Variants in PXDN observed in about 807,000 individuals in gnomAD.
PXDN encodes peroxidasin.
PXDN carries 77 observed loss-of-function variants against 140.3 expected under a neutral mutation model. That is an observed-to-expected ratio of 0.55 (90% CI 0.46 to 0.66). The LOEUF is 0.66. Ranked by LOEUF, PXDN falls within the 30% of genes least tolerant of loss-of-function variation. The pLI is 0.00. For synonymous variants in PXDN, 911 were observed against 857.4 expected (o/e 1.06, Z -1.09); for missense variants, 1,838 against 2,039.5 (o/e 0.90, Z 1.90).
intron 14 of PXDN, among the ~76,000 whole-genome samples, chr2:1,658,756 C>A (rs538800642): frequency 2.2e-3 from 314 of 143,158 alleles, no homozygotes; most frequent in Non-Finnish European, 4.2e-3. Flanking sequence ...TGCTCCCCAC[C>A]CCCCGGCATC....
intron 9 of PXDN, among the ~76,000 whole-genome samples, chr2:1,667,755 G>A (rs1683479653): frequency 6.6e-6 from 1 of 152,166 alleles, no homozygotes; most frequent in Admixed American, 6.5e-5. Flanking sequence ...AGGACTTGAA[G>A]GACCTCTTTA....
chr2:1,649,767 G>A lies in PXDN; in HGVS notation c.2105-92C>T. On this transcript the variant is annotated intron_variant, in intron 16 of 22. Coordinates refer to ENST00000252804, the MANE Select transcript of PXDN (RefSeq NM_012293.3). The surrounding 1 kb of genome is among the most constrained non-coding windows in gnomAD (Gnocchi z 7.1). ...TTGGCACCTCTGCCGCTGACATGGG[G>A]CTATCTACCCCCAGCTCATGAAACC... The A allele has an allele frequency of 7.1e-7, 1 of 1,407,830 alleles. No individual in the cohort carries two copies. The highest frequency in any genetic ancestry group is 1.8e-5 in the Admixed American group (1 of 55,302). The allele number at this position is 1,407,830 out of a possible 1,614,324, so 87.2% of individuals were successfully genotyped here. A position where few individuals can be genotyped will look rare whatever the true frequency, so the allele number is the denominator to read the frequency against.
intron 9 of PXDN, 96 bp downstream of exon 9, chr2:1,673,547 G>T: frequency 6.8e-7 from 1 of 1,462,300 alleles, no homozygotes; most frequent in Non-Finnish European, 9.3e-7. Context: ...AGACTTCAAT[G>T]TTCATTCTTA....
chr2:1,645,221 A>G (rs1682823230), intron 17 of PXDN, among the ~76,000 whole-genome samples: 1 of 152,240 alleles, frequency 6.6e-6, no homozygotes, highest in Non-Finnish European at 1.5e-5. Flanking sequence ...TATTGAAAAT[A>G]TATTTGCCAT....
At chr2:1,670,048 T>C (rs73910825) in intron 9 of PXDN, among the ~76,000 whole-genome samples, 1,589 of 152,316 alleles carry the variant, frequency 0.01, 18 homozygotes, top group African/African-American at 0.036. Context: ...CAGTTTGCTA[T>C]AGGATATTAA....
At position 1,633,429 on chromosome 2, in the gene PXDN, C is replaced by T. The variant is rs4240; in HGVS notation, c.*775G>A. 0.51 allele frequency: 77,588 copies of T among 151,708 alleles called. 20,898 individuals carry two copies. The highest frequency in any genetic ancestry group is 0.65 in the Middle Eastern group (192 of 294). 9.4% of individuals were successfully genotyped at this position (151,708 alleles called of 1,614,324 possible). On this transcript the variant is annotated 3_prime_UTR_variant, in exon 23 of 23. Coordinates refer to ENST00000252804, the MANE Select transcript of PXDN (RefSeq NM_012293.3). ...TGTGCAAGTGACAGCTGAAAGCAAACCTGTTTCTAAATGTGGCTTATGAAT... is the reference window on the plus strand; with the variant it reads ...TGTGCAAGTGACAGCTGAAAGCAAATCTGTTTCTAAATGTGGCTTATGAAT...
intron 8 of PXDN, chr2:1,676,417 T>A (rs891907771): frequency 1.3e-5 from 2 of 156,978 alleles, no homozygotes; most frequent in African/African-American, 4.8e-5. Context: ...ACTTCCTTTG[T>A]TTGGGAGACA....
rs866064530 is a variant in PXDN at position 1,726,001 on chromosome 2, C to A, written c.200+18255G>T. ...GGTGGGACTGTAAACTAGTTCAACCCTTGTGGAAGTCAGTGTGGCCATTCC... is the reference window on the plus strand; with the variant it reads ...GGTGGGACTGTAAACTAGTTCAACCATTGTGGAAGTCAGTGTGGCCATTCC... On this transcript the variant is annotated intron_variant, in intron 1 of 22. Transcript: ENST00000252804. Among the ~76,000 whole-genome samples the A allele has an allele frequency of 4.9e-3, 742 of 150,576 alleles. 4 individuals are homozygous for A. The highest frequency in any genetic ancestry group is 0.02 in the Middle Eastern group (6 of 294).
intron 1 of PXDN, among the ~76,000 whole-genome samples, chr2:1,739,271 T>C (rs542402643): frequency 3.9e-5 from 6 of 152,148 alleles, no homozygotes; most frequent in Non-Finnish European, 7.4e-5. Flanking sequence ...ACTATACAGC[T>C]GCCAATCATC....
chr2:1,741,429 G>T (rs966427439), intron 1 of PXDN, among the ~76,000 whole-genome samples: 2 of 152,112 alleles, frequency 1.3e-5, no homozygotes, highest in African/African-American at 4.8e-5. Flanking sequence ...GCAGCACAGG[G>T]CGCGGGCTCC....
chr2:1,714,351 C>T lies in PXDN; in HGVS notation c.201-21217G>A, dbSNP rs1232147374. 6.6e-6 allele frequency among the ~76,000 whole-genome samples: 1 copy of T among 152,186 alleles called. No homozygotes were observed. The highest frequency in any genetic ancestry group is 1.5e-5 in the Non-Finnish European group (1 of 68,040). On this transcript the variant is annotated intron_variant, in intron 1 of 22. Coordinates refer to ENST00000252804, the MANE Select transcript of PXDN (RefSeq NM_012293.3). The surrounding 1 kb of genome is among the most constrained non-coding windows in gnomAD (Gnocchi z 4.3). ...CGATGGTCCGGCACCCTGGCCCACT[C>T]GCTCCCATGCCTTTGAGAGGAGATC...
At chr2:1,673,835 T>C (rs1485556288) in intron 8 of PXDN, 23 bp from the exon 9 acceptor site, 4 of 1,613,244 alleles carry the variant, frequency 2.5e-6, no homozygotes, top group Non-Finnish European at 3.4e-6. Flanking sequence ...AAATATGGTC[T>C]GGTCAAGTGT....
intron 1 of PXDN, among the ~76,000 whole-genome samples, chr2:1,742,181 G>A (rs767516316): frequency 2.6e-5 from 4 of 152,178 alleles, no homozygotes; most frequent in African/African-American, 9.7e-5. Context: ...CAGGAGCTGC[G>A]CTTCTCTCCC....
intron 10 of PXDN, 112 bp from the exon 11 acceptor site, chr2:1,665,186 T>C (rs1399128870): frequency 8.9e-6 from 7 of 786,410 alleles, no homozygotes; most frequent in Non-Finnish European, 1.5e-5. Flanking sequence ...AGGAGCAATG[T>C]CTACAACGAA....
chr2:1,658,064 CTCTCTCTCTCTCTCT>C (rs1558494389), intron 14 of PXDN, among the ~76,000 whole-genome samples: 3 of 109,222 alleles, frequency 2.7e-5, no homozygotes, highest in African/African-American at 1.1e-4. Flanking sequence ...CTCTCTCTCT[CTCTCTCTCTCTCTCT>C]CTCTCTCTCT....
intron 9 of PXDN, chr2:1,672,030 T>G (rs1683590432): frequency 6.6e-6 from 1 of 152,226 alleles, no homozygotes; most frequent in Non-Finnish European, 1.5e-5. Context: ...GTATTCTCAG[T>G]TCATAGACCT....
At chr2:1,668,682 C>G (rs547559981) in intron 9 of PXDN, among the ~76,000 whole-genome samples, 5 of 150,654 alleles carry the variant, frequency 3.3e-5, no homozygotes, top group Admixed American at 2.6e-4. Context: ...ATGTGGCCAA[C>G]AAACATATGA....
intron 1 of PXDN, among the ~76,000 whole-genome samples, chr2:1,703,546 G>A (rs1684502047): frequency 3.1e-5 from 1 of 32,016 alleles, no homozygotes; most frequent in African/African-American, 1.4e-4. Context: ...AGGTGAAGGG[G>A]GGGCAGCTCC....
intron 11 of PXDN, chr2:1,664,418 C>A (rs914720654): frequency 6.4e-6 from 1 of 157,258 alleles, no homozygotes; most frequent in Non-Finnish European, 1.4e-5. Context: ...CAGGCTGTGC[C>A]TTTATGCAGT....
Sources: gnomAD v4.1 joint callset for allele counts (sites outside exome capture counted in the v4.1 genomes callset) on GRCh38, gnomAD v4.1.1 for gene constraint, Gnocchi (gnomAD v3.1) non-coding constraint, MANE v1.5 for transcripts, NCBI Gene and HGNC (gene_info 2026-07-23, HGNC 2026-07-21) for gene names.